The following IMMP2L variants were observed in gnomAD, a reference collection of about 807,000 sequenced individuals.
The protein encoded by IMMP2L is mitochondrial inner membrane protease subunit 2.
A neutral mutation model predicts 19.3 loss-of-function variants in IMMP2L; 18 were observed. The observed-to-expected ratio is 0.93, with a 90% CI of 0.64 to 1.38. IMMP2L has a LOEUF of 1.38. Among genes scored for constraint, IMMP2L ranks in the 40% most tolerant of loss-of-function variants. IMMP2L has a pLI of 0.00. For synonymous variants in IMMP2L, 76 were observed against 73.0 expected (o/e 1.04, Z -0.21); for missense variants, 233 against 218.2 (o/e 1.07, Z -0.43).
chr7:111,462,054 A>G (rs1840184932), intron 3 of IMMP2L, among the ~76,000 whole-genome samples: 1 of 151,610 alleles, frequency 6.6e-6, no homozygotes, highest in South Asian at 2.1e-4. Context: ...TGGGGAGTTG[A>G]TAAGTGATTT....
At chr7:111,177,467 C>T (rs1035925919) in intron 3 of IMMP2L, among the ~76,000 whole-genome samples, 1 of 152,078 alleles carries the variant, frequency 6.6e-6, no homozygotes, top group African/African-American at 2.4e-5. Context: ...AGGCATTAGC[C>T]ATTGTGCCCG....
chr7:110,832,591 C>A (rs751367285), intron 5 of IMMP2L, among the ~76,000 whole-genome samples: 1 of 151,882 alleles, frequency 6.6e-6, no homozygotes, highest in Non-Finnish European at 1.5e-5. Flanking sequence ...GTTGTGAAGC[C>A]CAAGTCTCGA....
chr7:110,779,280 A>C (rs1216168978), intron 5 of IMMP2L, among the ~76,000 whole-genome samples: 1 of 152,036 alleles, frequency 6.6e-6, no homozygotes, highest in Non-Finnish European at 1.5e-5. Context: ...ATAAGCAAAT[A>C]AAATGAAATC....
chr7:111,241,114 A>G (rs1746731596), intron 3 of IMMP2L, among the ~76,000 whole-genome samples: 1 of 151,970 alleles, frequency 6.6e-6, no homozygotes, highest in African/African-American at 2.4e-5. Context: ...TTATGTTTCA[A>G]TTGTGCTTAA....
intron 4 of IMMP2L, among the ~76,000 whole-genome samples, chr7:110,957,656 C>T (rs1818493225): frequency 6.6e-6 from 1 of 151,950 alleles, no homozygotes; most frequent in African/African-American, 2.4e-5. Flanking sequence ...AAGTCCCAAC[C>T]ATGCTGGCTT....
rs781489256 is a variant in IMMP2L at position 110,803,660 on chromosome 7, A to T, written c.408+82933T>A. On this transcript the variant is annotated intron_variant, in intron 5 of 5. Coordinates refer to ENST00000405709, the MANE Select transcript of IMMP2L (RefSeq NM_032549.4). The surrounding 1 kb of genome is among the most constrained non-coding windows in gnomAD (Gnocchi z 4.2). Reference sequence around the variant, plus strand: ...GGGGGGAGCTCCAGAAATGGGAGTGACCTTGGACCAGGCAGCTCCCTGTAG... The same window carrying T: ...GGGGGGAGCTCCAGAAATGGGAGTGTCCTTGGACCAGGCAGCTCCCTGTAG... Among the ~76,000 whole-genome samples, 16 of 151,948 alleles carry T rather than the reference A, an allele frequency of 1.1e-4. No homozygotes were observed. Among genetic ancestry groups the T allele is most frequent in the Non-Finnish European group, 1.8e-4 (12 of 67,976 alleles).
chr7:111,221,568 C>T (rs1015701440), intron 3 of IMMP2L, among the ~76,000 whole-genome samples: 7 of 151,752 alleles, frequency 4.6e-5, no homozygotes, highest in South Asian at 2.1e-4. Flanking sequence ...TAAAAACATA[C>T]GGTACACAGG....
chr7:111,166,074 A>G (rs1163176694), intron 3 of IMMP2L, among the ~76,000 whole-genome samples: 2 of 152,086 alleles, frequency 1.3e-5, no homozygotes, highest in Non-Finnish European at 2.9e-5. Flanking sequence ...AGAAAAAAGT[A>G]GCAATTCATA....
intron 3 of IMMP2L, among the ~76,000 whole-genome samples, chr7:111,477,927 T>C (rs1451160083): frequency 2.0e-5 from 3 of 152,124 alleles, no homozygotes; most frequent in Admixed American, 6.6e-5. Flanking sequence ...TTATCTTCTT[T>C]GGTTTTCAGT....
chr7:111,470,712 T>G, intron 3 of IMMP2L, among the ~76,000 whole-genome samples: 1 of 65,642 alleles, frequency 1.5e-5, no homozygotes, highest in African/African-American at 5.9e-5. Flanking sequence ...CATCACACTC[T>G]GGGGACTGTT....
chr7:111,022,039 C>T (rs1194638058), intron 3 of IMMP2L, among the ~76,000 whole-genome samples: 4 of 152,148 alleles, frequency 2.6e-5, no homozygotes, highest in African/African-American at 9.7e-5. Flanking sequence ...TGTGGAGACA[C>T]AGCCAAACCA....
chr7:111,465,524 A>AAAAAAAAG, intron 3 of IMMP2L, among the ~76,000 whole-genome samples: 1 of 151,054 alleles, frequency 6.6e-6, no homozygotes, highest in Non-Finnish European at 1.5e-5. Flanking sequence ...AAAAAAAAAA[A>AAAAAAAAG]ATTAAAAATT....
intron 3 of IMMP2L, among the ~76,000 whole-genome samples, chr7:111,438,003 C>T (rs553208596): frequency 6.6e-6 from 1 of 151,880 alleles, no homozygotes; most frequent in Admixed American, 6.6e-5. Context: ...AAAAGCTGTT[C>T]CTCAACATTT....
chr7:111,513,074 C>T (rs1477686758), intron 2 of IMMP2L, among the ~76,000 whole-genome samples: 3 of 151,936 alleles, frequency 2.0e-5, no homozygotes, highest in Non-Finnish European at 2.9e-5. Context: ...TTGTTAGATA[C>T]GACCCCAAAA....
chr7:110,695,767 G>T (rs1793835596), intron 5 of IMMP2L, among the ~76,000 whole-genome samples: 1 of 152,028 alleles, frequency 6.6e-6, no homozygotes, highest in South Asian at 2.1e-4. Flanking sequence ...ACAGAATTCT[G>T]AAAGGAAGAC....
intron 3 of IMMP2L, among the ~76,000 whole-genome samples, chr7:111,152,544 A>G (rs755754667): frequency 2.6e-5 from 4 of 152,144 alleles, no homozygotes; most frequent in Non-Finnish European, 5.9e-5. Flanking sequence ...GTATAATAGA[A>G]AAATAGTTAC....
chr7:111,163,833 A>C (rs1203275315), intron 3 of IMMP2L, among the ~76,000 whole-genome samples: 1 of 152,008 alleles, frequency 6.6e-6, no homozygotes, highest in Non-Finnish European at 1.5e-5. Context: ...TCTTTGTTCT[A>C]AAGTAACTCA....
At chr7:111,094,684 A>G (rs1488608508) in intron 3 of IMMP2L, among the ~76,000 whole-genome samples, 1 of 152,164 alleles carries the variant, frequency 6.6e-6, no homozygotes, top group Non-Finnish European at 1.5e-5. Flanking sequence ...TCCTGCACAG[A>G]GCTCAGGGAA....
intron 5 of IMMP2L, among the ~76,000 whole-genome samples, chr7:110,737,181 C>A (rs1239294573): frequency 1.3e-5 from 2 of 152,068 alleles, no homozygotes; most frequent in African/African-American, 4.8e-5. Flanking sequence ...ATCCACAGAC[C>A]CTTTGAAGGA....
Sources: gnomAD v4.1 joint callset for allele counts (sites outside exome capture counted in the v4.1 genomes callset) on GRCh38, gnomAD v4.1.1 for gene constraint, Gnocchi (gnomAD v3.1) non-coding constraint, MANE v1.5 for transcripts, NCBI Gene and HGNC (gene_info 2026-07-23, HGNC 2026-07-21) for gene names.